The following CCBE1 variants were observed in gnomAD, a reference collection of about 807,000 sequenced individuals.
CCBE1 encodes collagen and calcium binding EGF domains 1.
In CCBE1, 37 loss-of-function variants were observed where a neutral mutation model predicts 50.0. That is an observed-to-expected ratio of 0.74 (90% CI 0.57 to 0.97). The LOEUF is 0.97. Ranked by LOEUF, CCBE1 falls within the 50% of genes least tolerant of loss-of-function variation. The pLI is 0.00. For synonymous variants in CCBE1, 234 were observed against 203.7 expected (o/e 1.15, Z -1.27); for missense variants, 538 against 523.8 (o/e 1.03, Z -0.26).
At chr18:59,621,008 A>G (rs1226332181) in intron 2 of CCBE1, among the ~76,000 whole-genome samples, 1 of 152,198 alleles carries the variant, frequency 6.6e-6, no homozygotes, top group East Asian at 1.9e-4. Context: ...GTGACAGAAC[A>G]CACAGAGTTC....
chr18:59,595,038 G>A (rs561102939), intron 2 of CCBE1, among the ~76,000 whole-genome samples: 1 of 151,202 alleles, frequency 6.6e-6, no homozygotes, highest in East Asian at 1.9e-4. Flanking sequence ...CTTGAACCCG[G>A]GAGATGGAGG....
At position 59,678,202 on chromosome 18, in the gene CCBE1, A is replaced by G. The variant is rs180858652; in HGVS notation, c.212+18427T>C. ...ACTCAAAAACTGAAAAAGTTAAAACATAAGTTTCTTACAGCGATGGAGGCA... is the reference window on the plus strand; with the variant it reads ...ACTCAAAAACTGAAAAAGTTAAAACGTAAGTTTCTTACAGCGATGGAGGCA... On this transcript the variant is annotated intron_variant, in intron 2 of 10. Transcript: ENST00000439986. Among the ~76,000 whole-genome samples, 255 of 152,320 alleles carry G rather than the reference A, an allele frequency of 1.7e-3. 3 individuals carry two copies. Among genetic ancestry groups the G allele is most frequent in the Admixed American group, 1.4e-3 (21 of 15,304 alleles).
chr18:59,588,065 T>G (rs1177687820), intron 2 of CCBE1, among the ~76,000 whole-genome samples: 2 of 152,224 alleles, frequency 1.3e-5, no homozygotes, highest in African/African-American at 2.4e-5. Context: ...CATCTATAGA[T>G]TGAATAAAAT....
Position 59,649,119 on chromosome 18 carries a change from A to G in CCBE1, c.212+47510T>C, listed in dbSNP as rs1363408382. Among the ~76,000 whole-genome samples the G allele has an allele frequency of 5.9e-5, 9 of 152,340 alleles. No individual in the cohort carries two copies. The South Asian group carries it at 1.9e-3, about 32-fold the overall frequency. On this transcript the variant is annotated intron_variant, in intron 2 of 10. Coordinates refer to ENST00000439986, the MANE Select transcript of CCBE1 (RefSeq NM_133459.4). ...AATGTGTATTTCTAACAGTGGACAGAAAGCATCCCATGAAACCTAGCACAG... is the reference window on the plus strand; with the variant it reads ...AATGTGTATTTCTAACAGTGGACAGGAAGCATCCCATGAAACCTAGCACAG...
intron 2 of CCBE1, among the ~76,000 whole-genome samples, chr18:59,580,212 CAT>C (rs1311642415): frequency 2.6e-5 from 4 of 152,210 alleles, no homozygotes; most frequent in African/African-American, 9.6e-5. Flanking sequence ...GAAATAAACA[CAT>C]ATCTGATCGC....
chr18:59,656,113 G>T (rs1465061779), intron 2 of CCBE1, among the ~76,000 whole-genome samples: 1 of 152,152 alleles, frequency 6.6e-6, no homozygotes, highest in Non-Finnish European at 1.5e-5. Flanking sequence ...TTGAATCTTT[G>T]CAAAAGCCTC....
At chr18:59,449,673 G>T (rs1173706559) in intron 6 of CCBE1, among the ~76,000 whole-genome samples, 1 of 150,808 alleles carries the variant, frequency 6.6e-6, no homozygotes, top group Non-Finnish European at 1.5e-5. Context: ...TCCTGACTTT[G>T]TTCCTAAGTA....
intron 2 of CCBE1, among the ~76,000 whole-genome samples, chr18:59,565,013 A>G (rs2052799158): frequency 6.6e-6 from 1 of 152,268 alleles, no homozygotes; most frequent in African/African-American, 2.4e-5. Flanking sequence ...CTGAGTAGTC[A>G]GCCTTGTTCC....
chr18:59,489,400 A>T (rs611479), intron 2 of CCBE1, among the ~76,000 whole-genome samples: 150,509 of 152,346 alleles, frequency 0.99, 74,356 homozygotes, highest in East Asian at 1. Context: ...TAACTTTCTT[A>T]TTTTTCTTCT....
At chr18:59,640,172 T>C (rs1476629823) in intron 2 of CCBE1, among the ~76,000 whole-genome samples, 1 of 152,226 alleles carries the variant, frequency 6.6e-6, no homozygotes, top group Admixed American at 6.5e-5. Flanking sequence ...CGAGTCTGAA[T>C]AGCCAAGGCG....
intron 2 of CCBE1, 170 bp downstream of exon 2, chr18:59,696,459 C>T (rs1222203947): frequency 2.7e-6 from 4 of 1,480,254 alleles, no homozygotes; most frequent in South Asian, 1.3e-5. Flanking sequence ...GCTCTGACTC[C>T]GATCCAACCA....
chr18:59,584,461 T>G (rs1468372990), intron 2 of CCBE1, among the ~76,000 whole-genome samples: 11 of 151,926 alleles, frequency 7.2e-5, no homozygotes, highest in Admixed American at 1.3e-4. Context: ...GTAACTAACC[T>G]GTACATTGTG....
At chr18:59,615,232 C>T (rs1273732113) in intron 2 of CCBE1, among the ~76,000 whole-genome samples, 1 of 152,228 alleles carries the variant, frequency 6.6e-6, no homozygotes, top group Admixed American at 6.5e-5. Context: ...AACCGCTGGG[C>T]TTGAAAACCT....
At chr18:59,664,001 A>G (rs1490546206) in intron 2 of CCBE1, among the ~76,000 whole-genome samples, 1 of 152,184 alleles carries the variant, frequency 6.6e-6, no homozygotes, top group Admixed American at 6.5e-5. Flanking sequence ...CACTAACAAC[A>G]TACCATGAAC....
intron 2 of CCBE1, among the ~76,000 whole-genome samples, chr18:59,576,979 C>T (rs894100550): frequency 1.3e-5 from 2 of 152,186 alleles, no homozygotes; most frequent in East Asian, 1.9e-4. Flanking sequence ...CCTATAAATG[C>T]TCAGGACCAA....
In CCBE1 at chr18:59,435,748, T is replaced by C. The variant is rs770290457; in HGVS notation, c.*160A>G. On this transcript the variant is annotated 3_prime_UTR_variant, in exon 11 of 11. Transcript: ENST00000439986. Reference sequence around the variant, plus strand: ...CAGGCCTAGGAGGGGACTCTGAAAATAGCATCGTATTTGGAAGAAGAGGAG... The same window carrying C: ...CAGGCCTAGGAGGGGACTCTGAAAACAGCATCGTATTTGGAAGAAGAGGAG... 3.6e-5 allele frequency: 27 copies of C among 747,790 alleles called. No individual in the cohort carries two copies. The highest frequency in any genetic ancestry group is 6.0e-5 in the Non-Finnish European group (25 of 419,438). 46.3% of individuals were successfully genotyped at this position (747,790 alleles called of 1,614,324 possible).
At chr18:59,630,169 C>T (rs928920655) in intron 2 of CCBE1, among the ~76,000 whole-genome samples, 6 of 152,102 alleles carry the variant, frequency 3.9e-5, no homozygotes, top group Admixed American at 1.3e-4. Context: ...TTGACCTCCG[C>T]CTCATGCTCG....
At chr18:59,553,578 C>T (rs1310344614) in intron 2 of CCBE1, among the ~76,000 whole-genome samples, 3 of 152,224 alleles carry the variant, frequency 2.0e-5, no homozygotes, top group African/African-American at 7.2e-5. Context: ...CCATTAAAAT[C>T]CTTCCTGTTC....
At chr18:59,440,197 C>T (rs1167687568) in intron 7 of CCBE1, among the ~76,000 whole-genome samples, 1 of 152,166 alleles carries the variant, frequency 6.6e-6, no homozygotes, top group Non-Finnish European at 1.5e-5. Flanking sequence ...TGGCCACCAC[C>T]ACAGAGAAGT....
Sources: allele counts gnomAD v4.1 joint callset (sites outside exome capture counted in the v4.1 genomes callset), GRCh38; gene constraint gnomAD v4.1.1; transcripts MANE v1.5; gene names NCBI Gene and HGNC (gene_info 2026-07-23, HGNC 2026-07-21).